The following SYNJ1 variants were observed in gnomAD, a reference collection of about 807,000 sequenced individuals.
The protein encoded by SYNJ1 is synaptojanin 1, also known as polyphosphatidylinositol phosphatase SYNJ1.
A neutral mutation model predicts 168.2 loss-of-function variants in SYNJ1; 78 were observed. The observed-to-expected ratio is 0.46, with a 90% CI of 0.39 to 0.56. SYNJ1 has a LOEUF of 0.56. Ranked by LOEUF, SYNJ1 falls within the 20% of genes least tolerant of loss-of-function variation. The pLI is 0.00. For missense variants in SYNJ1, 1,303 were observed against 1,597.6 expected, an observed-to-expected ratio of 0.82 and a Z score of 3.14; for synonymous variants, 539 against 548.6, an observed-to-expected ratio of 0.98 and a Z score of 0.24.
intron 29 of SYNJ1, 35 bp downstream of exon 29, chr21:32,641,861 C>T (rs370625967): frequency 1.7e-4 from 259 of 1,534,134 alleles, no homozygotes; most frequent in African/African-American, 2.9e-4. Context: ...GACTTAGAAC[C>T]GAGACCCCTT....
At chr21:32,639,639 C>T (rs1456885117) in intron 30 of SYNJ1, 32 bp downstream of exon 30, 1 of 1,579,030 alleles carries the variant, frequency 6.3e-7, no homozygotes. Context: ...CTCAAGTGAT[C>T]CTCCTGCCTC....
intron 10 of SYNJ1, among the ~76,000 whole-genome samples, chr21:32,682,482 A>T (rs2041662970): frequency 1.3e-5 from 2 of 152,182 alleles, no homozygotes; most frequent in Non-Finnish European, 2.9e-5. Flanking sequence ...AAATAAGATT[A>T]AAAAAACCTT....
At chr21:32,649,345 T>C (rs1444614494) in intron 23 of SYNJ1, among the ~76,000 whole-genome samples, 1 of 152,238 alleles carries the variant, frequency 6.6e-6, no homozygotes, top group African/African-American at 2.4e-5. Flanking sequence ...TTAAATGTGG[T>C]ACCTAGCTAT....
At chr21:32,725,931 T>G (rs2043431140) in intron 2 of SYNJ1, among the ~76,000 whole-genome samples, 1 of 152,128 alleles carries the variant, frequency 6.6e-6, no homozygotes, top group African/African-American at 2.4e-5. Context: ...GTCTCGACCT[T>G]CCAGACTCAA....
intron 32 of SYNJ1, among the ~76,000 whole-genome samples, chr21:32,632,159 C>T (rs1288326209): frequency 3.3e-5 from 5 of 152,206 alleles, no homozygotes; most frequent in African/African-American, 1.2e-4. Context: ...GAAATCCATA[C>T]TTATAACTTA....
chr21:32,686,927 C>T, intron 8 of SYNJ1, 51 bp downstream of exon 8: 1 of 1,170,372 alleles, frequency 8.5e-7, no homozygotes, highest in African/African-American at 1.6e-5. Flanking sequence ...TTTTTTAATA[C>T]CATTCTAGGT....
At chr21:32,636,400 T>C (rs1850407344) in intron 31 of SYNJ1, among the ~76,000 whole-genome samples, 1 of 152,166 alleles carries the variant, frequency 6.6e-6, no homozygotes, top group Non-Finnish European at 1.5e-5. Context: ...GGATAAATAA[T>C]AAAAAGTAAA....
At chr21:32,680,313 T>C (rs758720450) in intron 11 of SYNJ1, among the ~76,000 whole-genome samples, 1 of 152,142 alleles carries the variant, frequency 6.6e-6, no homozygotes. Flanking sequence ...TGAATGGTCT[T>C]TAAAGAATTT....
chr21:32,662,740 A>G (rs1292298125), intron 18 of SYNJ1, among the ~76,000 whole-genome samples: 1 of 152,206 alleles, frequency 6.6e-6, no homozygotes, highest in Admixed American at 6.5e-5. Flanking sequence ...TGTGGAAATC[A>G]ATGTGGATAC....
chr21:32,659,657 A>C (rs2040600807), intron 18 of SYNJ1, among the ~76,000 whole-genome samples: 1 of 152,106 alleles, frequency 6.6e-6, no homozygotes, highest in African/African-American at 2.4e-5. Flanking sequence ...TCATGACCCT[A>C]TCACGCGGAC....
upstream of SYNJ1, chr21:32,728,015 C>G: frequency 6.5e-7 from 1 of 1,536,092 alleles, no homozygotes; most frequent in Non-Finnish European, 8.7e-7. Flanking sequence ...GTCACTTCCG[C>G]TCCAGCAGGC....
intron 5 of SYNJ1, among the ~76,000 whole-genome samples, chr21:32,694,629 T>A (rs549824281): frequency 3.9e-5 from 6 of 152,342 alleles, no homozygotes; most frequent in African/African-American, 1.4e-4. Flanking sequence ...TGAAGATCTG[T>A]GTTGGGCTGG....
chr21:32,717,355 T>TATTGG (rs2043061427), intron 2 of SYNJ1, among the ~76,000 whole-genome samples: 1 of 152,230 alleles, frequency 6.6e-6, no homozygotes, highest in African/African-American at 2.4e-5. Context: ...TTAATGTCCT[T>TATTGG]GTCTATTACA....
intron 11 of SYNJ1, among the ~76,000 whole-genome samples, chr21:32,680,641 T>C (rs1250848159): frequency 6.6e-6 from 1 of 151,694 alleles, no homozygotes; most frequent in Non-Finnish European, 1.5e-5. Flanking sequence ...GAACAGAGTC[T>C]CACTCTGTCA....
chr21:32,631,234 TC>T lies in SYNJ1; in HGVS notation c.*570del, dbSNP rs1258507219. On this transcript the variant is annotated 3_prime_UTR_variant, in exon 33 of 33. Transcript: ENST00000674351. ...AAGTCTGAACAAGCTGACTTTGACT[TC>T]CCTTTCACACCAAAATCCTCTTCTT... The T allele has an allele frequency of 1.2e-6, 2 of 1,614,224 alleles. No homozygotes were observed. The highest frequency in any genetic ancestry group is 1.7e-5 in the Admixed American group (1 of 60,030).
At chr21:32,650,451 T>C (rs2040234892) in intron 22 of SYNJ1, 105 bp from the exon 23 acceptor site, 4 of 936,524 alleles carry the variant, frequency 4.3e-6, no homozygotes, top group Non-Finnish European at 6.2e-6. Context: ...AGACAGTTAA[T>C]TTAGTTAGAC....
chr21:32,703,307 T>C (rs1222264506), intron 2 of SYNJ1, among the ~76,000 whole-genome samples: 7 of 152,222 alleles, frequency 4.6e-5, no homozygotes, highest in Non-Finnish European at 1.0e-4. Context: ...CCCGTTAAAG[T>C]GATGGGGATT....
intron 18 of SYNJ1, among the ~76,000 whole-genome samples, chr21:32,658,123 C>T (rs1676330846): frequency 6.6e-6 from 1 of 152,110 alleles, no homozygotes; most frequent in African/African-American, 2.4e-5. Context: ...TTTGCTGGGT[C>T]CCACCCTCAA....
chr21:32,641,812 G>T, intron 29 of SYNJ1, 84 bp downstream of exon 29: 1 of 1,004,628 alleles, frequency 1.0e-6, no homozygotes, highest in Non-Finnish European at 1.5e-6. Flanking sequence ...AGGGTCACAT[G>T]ATTTCTCCAA....
Sources: gnomAD v4.1 joint callset for allele counts (sites outside exome capture counted in the v4.1 genomes callset) on GRCh38, gnomAD v4.1.1 for gene constraint, MANE v1.5 for transcripts, NCBI Gene and HGNC (gene_info 2026-07-23, HGNC 2026-07-21) for gene names.